Variants in KYNU observed in about 807,000 individuals in gnomAD.
The protein encoded by KYNU is kynureninase, also known as L-kynurenine hydrolase.
Under a neutral mutation model 59.2 loss-of-function variants are expected in KYNU, and 54 were observed. The ratio of observed to expected loss-of-function variants is 0.91; its 90% CI spans 0.73 to 1.14. KYNU has a LOEUF of 1.14. KYNU is among the 50% of genes most tolerant of loss of function. KYNU has a pLI of 0.00. For missense variants in KYNU, 567 were observed against 554.4 expected (o/e 1.02, Z -0.23); for synonymous variants, 177 against 192.0 (o/e 0.92, Z 0.65).
intron 4 of KYNU, among the ~76,000 whole-genome samples, chr2:142,949,645 T>G (rs1683920170): frequency 6.6e-6 from 1 of 152,186 alleles, no homozygotes; most frequent in African/African-American, 2.4e-5. Flanking sequence ...ACACTGCAGG[T>G]GGGCTCTGGG....
At chr2:142,886,793 G>T (rs1287193942) in intron 2 of KYNU, among the ~76,000 whole-genome samples, 7 of 152,208 alleles carry the variant, frequency 4.6e-5, no homozygotes, top group African/African-American at 1.7e-4. Context: ...CATGAGACAA[G>T]TCAGGTCTGG....
chr2:142,976,264 T>C (rs1684876292), intron 8 of KYNU, among the ~76,000 whole-genome samples: 1 of 152,204 alleles, frequency 6.6e-6, no homozygotes, highest in South Asian at 2.1e-4. Flanking sequence ...TGATTAACAT[T>C]TCTCAGAACA....
chr2:142,885,900 G>C (rs1681492431), intron 2 of KYNU, among the ~76,000 whole-genome samples: 2 of 152,212 alleles, frequency 1.3e-5, no homozygotes, highest in East Asian at 1.9e-4. Context: ...TTATATTCTG[G>C]CACTTAGTTT....
At chr2:142,960,603 C>T in intron 7 of KYNU, 21 bp from the exon 8 acceptor site, 1 of 1,608,216 alleles carries the variant, frequency 6.2e-7, no homozygotes, top group Non-Finnish European at 8.5e-7. Flanking sequence ...TATGACCTAA[C>T]TTGTGCCTAA....
At chr2:142,910,369 C>T (rs929268493) in intron 2 of KYNU, among the ~76,000 whole-genome samples, 1 of 151,968 alleles carries the variant, frequency 6.6e-6, no homozygotes, top group African/African-American at 2.4e-5. Flanking sequence ...ATCTCCTGAC[C>T]TCGTGATCTG....
Position 142,918,597 on chromosome 2 carries a change from C to G in KYNU, c.170-12C>G. The stretch of plus-strand genomic sequence containing the variant: ...ATTTTTTTTTTTTTTTTTGACATTT[C>G]TTCTGTTTCAGTTGATTTATCATTA... On this transcript the variant is annotated splice_polypyrimidine_tract_variant and intron_variant, in intron 2 of 13. Transcript: ENST00000264170. 5 of 1,263,962 alleles carry G rather than the reference C, an allele frequency of 4.0e-6. No individual in the cohort carries two copies. Among genetic ancestry groups the G allele is most frequent in the Non-Finnish European group, 4.2e-6 (4 of 961,452 alleles). The allele number at this position is 1,263,962 out of a possible 1,614,324, so 78.3% of individuals were successfully genotyped here.
rs77278611 is a variant in KYNU, at chr2:142,929,146, C to G, written c.373+1405C>G. Among the ~76,000 whole-genome samples, 1,054 of 150,652 alleles carry G rather than the reference C, an allele frequency of 7.0e-3. 4 individuals carry two copies. The highest frequency in any genetic ancestry group is 9.6e-3 in the Non-Finnish European group (651 of 67,788). On this transcript the variant is annotated intron_variant, in intron 4 of 13. Coordinates refer to ENST00000264170, the MANE Select transcript of KYNU (RefSeq NM_003937.3). ...ATACAAAGAAATATAAAATTAATCA[C>G]ACTACCAAAGAGGCATAATTTTCCA...
intron 2 of KYNU, among the ~76,000 whole-genome samples, chr2:142,894,473 A>G (rs1037458040): frequency 6.6e-6 from 1 of 152,226 alleles, no homozygotes; most frequent in Non-Finnish European, 1.5e-5. Context: ...AAAATGCAGA[A>G]ATCATACATC....
intron 8 of KYNU, among the ~76,000 whole-genome samples, chr2:142,969,866 T>C (rs1684665022): frequency 6.6e-6 from 1 of 152,226 alleles, no homozygotes; most frequent in Admixed American, 6.5e-5. Context: ...ATAAAATACT[T>C]AAGTTGCCTA....
chr2:142,924,946 G>A (rs1199968609), intron 3 of KYNU, among the ~76,000 whole-genome samples: 1 of 152,138 alleles, frequency 6.6e-6, no homozygotes, highest in Non-Finnish European at 1.5e-5. Flanking sequence ...ACAAAATGAA[G>A]AAGCAGACTC....
rs1687223065 is a variant in KYNU at position 143,049,273 on chromosome 2, C to G, written c.*7101C>G. 6.6e-6 allele frequency: 1 copy of G among 152,060 alleles called. No individual in the cohort carries two copies. The highest frequency in any genetic ancestry group is 6.6e-5 in the Admixed American group (1 of 15,240). 9.4% of individuals were successfully genotyped at this position (152,060 alleles called of 1,614,324 possible). A position where few individuals can be genotyped will look rare whatever the true frequency, so the allele number is the denominator to read the frequency against. ...ATTAGATTTCTGTTCAAAATTCCTT[C>G]CATTTGTGATCTTTCGAATGTGCTT... On this transcript the variant is annotated 3_prime_UTR_variant, in exon 14 of 14. Transcript: ENST00000264170.
At chr2:142,903,643 C>T (rs1372372814) in intron 2 of KYNU, among the ~76,000 whole-genome samples, 1 of 152,076 alleles carries the variant, frequency 6.6e-6, no homozygotes, top group Admixed American at 6.5e-5. Flanking sequence ...GTTAAGCATA[C>T]CCGGGGCTCT....
In KYNU at chr2:142,985,061, CTTATTATTGTG is replaced by C; in HGVS notation, c.730-20_730-10del. The C allele has an allele frequency of 7.4e-7, 1 of 1,348,260 alleles. No individual in the cohort carries two copies. 83.5% of individuals were successfully genotyped at this position (1,348,260 alleles called of 1,614,324 possible). ...TTCTAATCATGAAGCAAACTTAAAG[CTTATTATTGTG>C]TTCTTCCCTAGGGTTGTTATGTTGG... On this transcript the variant is annotated splice_polypyrimidine_tract_variant and intron_variant, in intron 8 of 13. Transcript: ENST00000264170.
intron 11 of KYNU, among the ~76,000 whole-genome samples, chr2:143,031,781 A>T (rs1156677017): frequency 6.6e-6 from 1 of 152,204 alleles, no homozygotes; most frequent in Non-Finnish European, 1.5e-5. Context: ...ATGGCCATAT[A>T]TTAGTCTGTT....
At chr2:142,917,811 C>T (rs1273589245) in intron 2 of KYNU, among the ~76,000 whole-genome samples, 5 of 152,156 alleles carry the variant, frequency 3.3e-5, no homozygotes, top group African/African-American at 1.2e-4. Context: ...TTTAAAAAGT[C>T]TTTAAAGGTT....
chr2:142,990,179 A>G (rs1558962895), intron 10 of KYNU: 1 of 151,912 alleles, frequency 6.6e-6, no homozygotes, highest in Non-Finnish European at 1.5e-5. Context: ...ATAAATTAGG[A>G]CTGGTCATGA....
intron 10 of KYNU, among the ~76,000 whole-genome samples, chr2:143,023,959 G>C (rs920480909): frequency 2.6e-5 from 4 of 151,540 alleles, no homozygotes; most frequent in Non-Finnish European, 4.4e-5. Context: ...GAAAGATAAA[G>C]TCATCAGATT....
At chr2:142,994,021 C>A (rs968782157) in intron 10 of KYNU, among the ~76,000 whole-genome samples, 1 of 152,040 alleles carries the variant, frequency 6.6e-6, no homozygotes, top group African/African-American at 2.4e-5. Flanking sequence ...CAAAGAGCTT[C>A]AGCTCTTGTT....
At chr2:143,010,938 A>G (rs1411255021) in intron 10 of KYNU, among the ~76,000 whole-genome samples, 1 of 146,292 alleles carries the variant, frequency 6.8e-6, no homozygotes, top group East Asian at 2.1e-4. Context: ...TTTAAACGTT[A>G]GACCTAAAAC....
Sources: allele counts gnomAD v4.1 joint callset (sites outside exome capture counted in the v4.1 genomes callset), GRCh38; gene constraint gnomAD v4.1.1; transcripts MANE v1.5; gene names NCBI Gene and HGNC (gene_info 2026-07-23, HGNC 2026-07-21).